RAP1A: variants seen among roughly 807,000 people sequenced by gnomAD.
RAP1A encodes the protein ras-related protein Rap-1A.
A neutral mutation model predicts 26.4 loss-of-function variants in RAP1A; 6 were observed. The observed-to-expected ratio is 0.23, with a 90% CI of 0.12 to 0.45. The LOEUF (loss-of-function observed/expected upper bound fraction) is 0.45. Ranked by LOEUF, RAP1A falls within the 20% of genes least tolerant of loss-of-function variation. The pLI, the probability that RAP1A is intolerant of heterozygous loss-of-function variation, is 0.99. For missense variants in RAP1A, 121 were observed against 217.2 expected (o/e 0.56, Z 2.78); for synonymous variants, 73 against 79.4 (o/e 0.92, Z 0.43).
chr1:111,635,307 A>G (rs1659694644), intron 1 of RAP1A, among the ~76,000 whole-genome samples: 1 of 152,204 alleles, frequency 6.6e-6, no homozygotes, highest in Non-Finnish European at 1.5e-5. Context: ...ATTTAAACTT[A>G]TTTATATAAA....
At chr1:111,614,528 G>A (rs936673700) in intron 1 of RAP1A, among the ~76,000 whole-genome samples, 1 of 152,092 alleles carries the variant, frequency 6.6e-6, no homozygotes, top group Admixed American at 6.5e-5. Context: ...GTGTTCTTTA[G>A]CATTACAACC....
chr1:111,585,536 G>A (rs1199131557), intron 1 of RAP1A, among the ~76,000 whole-genome samples: 1 of 151,478 alleles, frequency 6.6e-6, no homozygotes, highest in Non-Finnish European at 1.5e-5. Context: ...GAGCCATCAA[G>A]CCATTATGTA....
intron 1 of RAP1A, among the ~76,000 whole-genome samples, chr1:111,677,090 G>A (rs72987122): frequency 0.011 from 1,674 of 152,150 alleles, 25 homozygotes; most frequent in African/African-American, 0.039. Flanking sequence ...CACCGTGCCC[G>A]GCCTTTTCTA....
chr1:111,658,650 C>G (rs913988842), intron 1 of RAP1A, among the ~76,000 whole-genome samples: 3 of 152,170 alleles, frequency 2.0e-5, no homozygotes, highest in African/African-American at 7.2e-5. Context: ...TTTTTCAGCT[C>G]CATTGTAATC....
At chr1:111,565,259 C>G (rs1657893059) in intron 1 of RAP1A, among the ~76,000 whole-genome samples, 1 of 152,064 alleles carries the variant, frequency 6.6e-6, no homozygotes, top group African/African-American at 2.4e-5. Context: ...AAGTGAGGGA[C>G]CTGATTTTGT....
In RAP1A at chr1:111,687,487, C is replaced by T. The variant is rs149586670; in HGVS notation, c.-27-3847C>T. Among the ~76,000 whole-genome samples the T allele has an allele frequency of 5.4e-3, 829 of 152,212 alleles. 3 individuals are homozygous for T. The highest frequency in any genetic ancestry group is 0.019 in the African/African-American group (776 of 41,536). ...CCTCACAAAGTGCTGGGATTATAGG[C>T]GTGAGCCACCACCCCTAGCCTGAGT... On this transcript the variant is annotated intron_variant, in intron 1 of 7. Coordinates refer to ENST00000369709, the MANE Select transcript of RAP1A (RefSeq NM_002884.4).
At chr1:111,644,425 C>T (rs1164184150) in intron 1 of RAP1A, among the ~76,000 whole-genome samples, 1 of 152,124 alleles carries the variant, frequency 6.6e-6, no homozygotes, top group Non-Finnish European at 1.5e-5. Flanking sequence ...TTTGCTTCCT[C>T]ACATCACTCT....
Position 111,712,661 on chromosome 1 carries a change from T to C in RAP1A, c.*260T>C, listed in dbSNP as rs1201836862. 4 of 152,554 alleles carry C rather than the reference T, an allele frequency of 2.6e-5. No homozygotes were observed. Among genetic ancestry groups the C allele is most frequent in the African/African-American group, 9.6e-5 (4 of 41,458 alleles). The allele number at this position is 152,554 out of a possible 1,614,324, so 9.5% of individuals were successfully genotyped here. A position where few individuals can be genotyped will look rare whatever the true frequency, so the allele number is the denominator to read the frequency against. ...AGCAGTTATAACAGATGTGAAAATA[T>C]ACTTGACTCTAATATGATTATACAA... is the stretch of plus-strand genomic sequence containing the variant. On this transcript the variant is annotated 3_prime_UTR_variant, in exon 8 of 8. Coordinates refer to ENST00000369709, the MANE Select transcript of RAP1A (RefSeq NM_002884.4).
chr1:111,620,190 G>C (rs1659146964), intron 1 of RAP1A, among the ~76,000 whole-genome samples: 1 of 152,186 alleles, frequency 6.6e-6, no homozygotes. Context: ...AGGCCTGCGG[G>C]AGACCGTCGG....
chr1:111,642,269 A>G (rs1022129699), intron 1 of RAP1A, among the ~76,000 whole-genome samples: 1 of 152,182 alleles, frequency 6.6e-6, no homozygotes, highest in African/African-American at 2.4e-5. Context: ...AAATTAAATT[A>G]AAATAAAGGG....
rs1662527403 is a variant in RAP1A at position 111,715,902 on chromosome 1, T to C, written c.*3501T>C. ...AGATACACATGTATTTGTCAGTTTA[T>C]GTGCCTCAGTTTTGTCTTAGGCACT... On this transcript the variant is annotated 3_prime_UTR_variant, in exon 8 of 8. Transcript: ENST00000369709. The C allele has an allele frequency of 6.6e-6, 1 of 152,246 alleles. No individual in the cohort carries two copies. Among genetic ancestry groups the C allele is most frequent in the African/African-American group, 2.4e-5 (1 of 41,468 alleles). 9.4% of individuals were successfully genotyped at this position (152,246 alleles called of 1,614,324 possible). A position where few individuals can be genotyped will look rare whatever the true frequency, so the allele number is the denominator to read the frequency against.
chr1:111,555,629 C>G (rs78703884), intron 1 of RAP1A, among the ~76,000 whole-genome samples: 3,818 of 151,996 alleles, frequency 0.025, 155 homozygotes, highest in African/African-American at 0.087. Flanking sequence ...ATCTATTCAC[C>G]TTCCCAAAAG....
intron 1 of RAP1A, among the ~76,000 whole-genome samples, chr1:111,558,428 C>G (rs1045843776): frequency 1.4e-4 from 21 of 152,036 alleles, no homozygotes; most frequent in Non-Finnish European, 2.9e-5. Context: ...CTCAAGCAAT[C>G]CACCTGCCTC....
At chr1:111,646,531 A>T (rs1405767309) in intron 1 of RAP1A, among the ~76,000 whole-genome samples, 1 of 151,934 alleles carries the variant, frequency 6.6e-6, no homozygotes, top group South Asian at 2.1e-4. Flanking sequence ...TTGGAGTAGA[A>T]CATCTTCTCT....
chr1:111,595,205 G>T (rs1658544304), intron 1 of RAP1A, among the ~76,000 whole-genome samples: 1 of 152,198 alleles, frequency 6.6e-6, no homozygotes. Flanking sequence ...GAAATTTAGA[G>T]CTTTTTGAAT....
chr1:111,638,850 T>C (rs181842098), intron 1 of RAP1A, among the ~76,000 whole-genome samples: 1 of 151,352 alleles, frequency 6.6e-6, no homozygotes, highest in East Asian at 1.9e-4. Context: ...GAATTTTGGC[T>C]AGGTGTTGGT....
chr1:111,703,191 C>G (rs1336679603), intron 4 of RAP1A, 145 bp from the exon 5 acceptor site: 2 of 491,678 alleles, frequency 4.1e-6, no homozygotes, highest in Non-Finnish European at 6.7e-6. Flanking sequence ...ACCTCAGTTG[C>G]TAGAAACTTG....
intron 6 of RAP1A, among the ~76,000 whole-genome samples, chr1:111,708,242 C>A (rs1424038917): frequency 3.0e-4 from 1 of 3,332 alleles, no homozygotes; most frequent in Non-Finnish European, 5.4e-4. Context: ...CAGACTTTTT[C>A]TACTTTTTAC....
At chr1:111,555,876 C>A (rs966391684) in intron 1 of RAP1A, among the ~76,000 whole-genome samples, 1 of 152,010 alleles carries the variant, frequency 6.6e-6, no homozygotes, top group Middle Eastern at 3.2e-3. Context: ...GGATATGACA[C>A]CAAAAGCAAA....
Sources: gnomAD v4.1 joint callset for allele counts (sites outside exome capture counted in the v4.1 genomes callset) on GRCh38, gnomAD v4.1.1 for gene constraint, MANE v1.5 for transcripts, NCBI Gene and HGNC (gene_info 2026-07-23, HGNC 2026-07-21) for gene names.